Variants in PRR16 observed in about 807,000 individuals in gnomAD.
PRR16 encodes protein Largen.
Under a neutral mutation model 18.2 loss-of-function variants are expected in PRR16, and 6 were observed. The ratio of observed to expected loss-of-function variants is 0.33; its 90% CI spans 0.18 to 0.65. PRR16 has a LOEUF of 0.65. Among genes scored for constraint, PRR16 ranks in the 30% least tolerant of loss-of-function variants. The pLI is 0.74. For missense variants in PRR16, 412 were observed against 376.6 expected (o/e 1.09, Z -0.78); for synonymous variants, 151 against 147.8 (o/e 1.02, Z -0.16).
intron 1 of PRR16, among the ~76,000 whole-genome samples, chr5:120,594,593 C>G (rs1008002438): frequency 3.9e-5 from 6 of 152,026 alleles, no homozygotes; most frequent in African/African-American, 1.4e-4. Flanking sequence ...CTCCACAGTA[C>G]TAGAAAAAAA....
At chr5:120,547,511 G>A (rs1188444350) in intron 1 of PRR16, among the ~76,000 whole-genome samples, 1 of 151,670 alleles carries the variant, frequency 6.6e-6, no homozygotes, top group African/African-American at 2.4e-5. Context: ...ACTTTTATAT[G>A]TGTTTCTGCC....
the PRR16 span, among the ~76,000 whole-genome samples, chr5:120,705,095 T>G: frequency 6.6e-6 from 1 of 151,718 alleles, no homozygotes; most frequent in East Asian, 1.9e-4. Context: ...AAAAGGAGAG[T>G]ACATTTCAAC....
intron 1 of PRR16, among the ~76,000 whole-genome samples, chr5:120,467,778 C>T (rs1382474916): frequency 6.6e-6 from 1 of 152,136 alleles, no homozygotes; most frequent in Non-Finnish European, 1.5e-5. Context: ...CAGCCTTATT[C>T]TACTCTCAGA....
At chr5:120,564,858 C>T (rs372367512) in intron 1 of PRR16, among the ~76,000 whole-genome samples, 5 of 151,804 alleles carry the variant, frequency 3.3e-5, no homozygotes, top group Middle Eastern at 3.2e-3. Flanking sequence ...TGGTGGCGGG[C>T]GCCTGTAGTC....
At chr5:120,749,482 T>C in the PRR16 span, among the ~76,000 whole-genome samples, 1 of 152,118 alleles carries the variant, frequency 6.6e-6, no homozygotes, top group Non-Finnish European at 1.5e-5. Flanking sequence ...TGTAAGTCTT[T>C]TAATATTTTG....
At chr5:120,647,142 T>C (rs1001279723) in intron 1 of PRR16, among the ~76,000 whole-genome samples, 3 of 151,926 alleles carry the variant, frequency 2.0e-5, no homozygotes, top group Non-Finnish European at 4.4e-5. Flanking sequence ...GAGTCTATGA[T>C]TAAGGAAAGA....
chr5:120,485,174 C>A (rs569602070), intron 1 of PRR16, among the ~76,000 whole-genome samples: 3 of 152,176 alleles, frequency 2.0e-5, no homozygotes, highest in South Asian at 4.1e-4. Flanking sequence ...TATTAATTAA[C>A]TTGCTAAACA....
chr5:120,617,061 A>G (rs991388156), intron 1 of PRR16: 19 of 951,588 alleles, frequency 2.0e-5, no homozygotes, highest in Non-Finnish European at 2.3e-5. Context: ...AAGTAAATGA[A>G]CTATTTTTTA....
At chr5:120,609,666 A>C (rs1754272594) in intron 1 of PRR16, among the ~76,000 whole-genome samples, 1 of 152,150 alleles carries the variant, frequency 6.6e-6, no homozygotes. Context: ...TTATTTTGAG[A>C]ATTTGATATG....
chr5:120,708,789 A>G, the PRR16 span, among the ~76,000 whole-genome samples: 60 of 152,210 alleles, frequency 3.9e-4, no homozygotes, highest in African/African-American at 1.4e-3. Flanking sequence ...GCAGAGTAAA[A>G]GGAGGTTCCT....
At chr5:120,757,269 C>A in the PRR16 span, among the ~76,000 whole-genome samples, 21 of 151,908 alleles carry the variant, frequency 1.4e-4, no homozygotes, top group African/African-American at 4.4e-4. Context: ...TGGCTTCGTT[C>A]TTTTGGTATA....
chr5:120,733,212 T>G, the PRR16 span, among the ~76,000 whole-genome samples: 3 of 152,134 alleles, frequency 2.0e-5, no homozygotes, highest in East Asian at 3.9e-4. Context: ...GTGGCTCAAT[T>G]ATAGCTCACC....
At chr5:120,775,678 T>C in the PRR16 span, among the ~76,000 whole-genome samples, 1 of 150,906 alleles carries the variant, frequency 6.6e-6, no homozygotes, top group Non-Finnish European at 1.5e-5. Context: ...TTGCCCAGGC[T>C]GGAGTGCAAT....
rs1753505748 is a variant in PRR16 at position 120,588,053 on chromosome 5, C to T, written c.160-97901C>T. On this transcript the variant is annotated intron_variant, in intron 1 of 1. Transcript: ENST00000407149. The stretch of plus-strand genomic sequence containing the variant: ...TTAAAGACTTCAGTGGAGGAAGTAA[C>T]TGCCTATGTGTAAATAGCAAGAGAA... 2.6e-5 allele frequency among the ~76,000 whole-genome samples: 4 copies of T among 152,142 alleles called. No individual in the cohort carries two copies. The South Asian group carries it at 8.3e-4, about 31-fold the overall frequency.
At chr5:120,722,613 A>G in the PRR16 span, among the ~76,000 whole-genome samples, 1 of 151,998 alleles carries the variant, frequency 6.6e-6, no homozygotes, top group African/African-American at 2.4e-5. Context: ...AAATCCTGGT[A>G]AAAGAACTAA....
the PRR16 span, among the ~76,000 whole-genome samples, chr5:120,746,755 A>T: frequency 6.6e-5 from 10 of 152,092 alleles, no homozygotes; most frequent in Non-Finnish European, 2.9e-5. Flanking sequence ...GTTGAGAAAC[A>T]TTGTAACGGA....
intron 1 of PRR16, among the ~76,000 whole-genome samples, chr5:120,585,025 G>A (rs9285891): frequency 0.86 from 130,700 of 152,120 alleles, 56,438 homozygotes; most frequent in African/African-American, 0.93. Context: ...TCAGTCTCTC[G>A]AAAGTACTCT....
the PRR16 span, among the ~76,000 whole-genome samples, chr5:120,765,705 T>C: frequency 6.6e-6 from 1 of 152,038 alleles, no homozygotes; most frequent in African/African-American, 2.4e-5. Flanking sequence ...ACATAGTATG[T>C]AACTAGCATT....
At chr5:120,495,990 A>G (rs967284783) in intron 1 of PRR16, among the ~76,000 whole-genome samples, 2 of 151,962 alleles carry the variant, frequency 1.3e-5, no homozygotes, top group Non-Finnish European at 2.9e-5. Flanking sequence ...GAAGTTTCTC[A>G]GTATTTTTAC....
Sources: allele counts gnomAD v4.1 joint callset (sites outside exome capture counted in the v4.1 genomes callset), GRCh38; gene constraint gnomAD v4.1.1; transcripts MANE v1.5; gene names NCBI Gene and HGNC (gene_info 2026-07-23, HGNC 2026-07-21).